The following ZNF713 variants were observed in gnomAD, a reference collection of about 807,000 sequenced individuals.
ZNF713 encodes zinc finger protein 713.
Under a neutral mutation model 28.7 loss-of-function variants are expected in ZNF713, and 21 were observed. The observed-to-expected ratio is 0.73, with a 90% CI of 0.52 to 1.05. The LOEUF is 1.05. Ranked by LOEUF, ZNF713 falls within the 50% of genes least tolerant of loss-of-function variation. The probability of loss-of-function intolerance (pLI) is 0.00; values close to 1 mark genes in which losing one functional copy is unlikely to be tolerated. For missense variants in ZNF713, 458 were observed against 532.4 expected, an observed-to-expected ratio of 0.86 and a Z score of 1.37; for synonymous variants, 167 against 178.0, an observed-to-expected ratio of 0.94 and a Z score of 0.49.
intron 1 of ZNF713, among the ~76,000 whole-genome samples, chr7:55,901,496 A>G (rs970854039): frequency 1.3e-5 from 2 of 152,226 alleles, no homozygotes; most frequent in Admixed American, 1.3e-4. Context: ...CTATAAATAT[A>G]TATAATTATT....
At chr7:55,933,721 C>T (rs79127504) in intron 6 of ZNF713, among the ~76,000 whole-genome samples, 7,098 of 151,944 alleles carry the variant, frequency 0.047, 295 homozygotes, top group East Asian at 0.22. Flanking sequence ...TTGTTGTTTG[C>T]GAGACAGGGT....
At position 55,940,483 on chromosome 7, in the gene ZNF713, A is replaced by G; in HGVS notation, c.*477A>G. ...AGACCTTAAACTAGCAGCATATTAC[A>G]TTCCCAGGAGGGGTTATAAAAAGAA... On this transcript the variant is annotated 3_prime_UTR_variant, in exon 7 of 7. Transcript: ENST00000429591. The G allele has an allele frequency of 2.0e-6, 2 of 985,206 alleles. No individual in the cohort carries two copies. Among genetic ancestry groups the G allele is most frequent in the South Asian group, 4.7e-5 (1 of 21,280 alleles). 61.0% of individuals were successfully genotyped at this position (985,206 alleles called of 1,614,324 possible).
chr7:55,915,358 T>C (rs1785861569), intron 4 of ZNF713, among the ~76,000 whole-genome samples: 1 of 152,246 alleles, frequency 6.6e-6, no homozygotes, highest in African/African-American at 2.4e-5. Context: ...TTTCTTCTTA[T>C]GGTCTACTGG....
At position 55,939,278 on chromosome 7, in the gene ZNF713, T is replaced by A. The variant is rs1786415661; in HGVS notation, c.604T>A (p.Ser202Thr). The A allele has an allele frequency of 6.2e-7, 1 of 1,614,012 alleles. No homozygotes were observed. The highest frequency in any genetic ancestry group is 1.1e-5 in the South Asian group (1 of 91,084). ...NSNLMQQRIP[S>T]IKIPLNSDTQ... The stretch of plus-strand genomic sequence containing the variant: ...AAACCTTATGCAGCAGAGAATTCCT[T>A]CCATTAAAATACCCCTGAATTCTGA... Residue 202 changes from serine (S) to threonine (T), a missense_variant, in exon 7 of 7, where the codon TCC becomes ACC. Physicochemically the swap from Ser to Thr is moderately conservative, Grantham distance 58. Transcript: ENST00000429591.
Position 55,923,331 on chromosome 7 carries a change from G to T in ZNF713, c.214+43G>T, listed in dbSNP as rs79482755. 5.3e-4 allele frequency: 835 copies of T among 1,574,714 alleles called. 5 individuals carry two copies. The African/African-American group carries it at 9.4e-3, about 18-fold the overall frequency. ...GTGAAACCGGAAGCCGTTCACGTGG[G>T]TTTATTTCCTGAACTAGTAGAAGCC... On this transcript the variant is annotated intron_variant, in intron 5 of 6. Transcript: ENST00000429591.
Position 55,912,733 on chromosome 7 carries a change from G to C in ZNF713, c.87+10G>C. 1 of 1,608,526 alleles carries C rather than the reference G, an allele frequency of 6.2e-7. No individual in the cohort carries two copies. Among genetic ancestry groups the C allele is most frequent in the Non-Finnish European group, 8.5e-7 (1 of 1,175,748 alleles). On this transcript the variant is annotated intron_variant, in intron 4 of 6. Coordinates refer to ENST00000429591, the MANE Select transcript of ZNF713 (RefSeq NM_182633.3). ...GATGGTGAGATCTCAGGTAAGTTCAGTTTTCCTCTCCTCTGAAATGCCAGT... is the reference window on the plus strand; with the variant it reads ...GATGGTGAGATCTCAGGTAAGTTCACTTTTCCTCTCCTCTGAAATGCCAGT...
chr7:55,904,935 C>T (rs1202677011), intron 1 of ZNF713, among the ~76,000 whole-genome samples: 2 of 152,100 alleles, frequency 1.3e-5, no homozygotes, highest in African/African-American at 4.8e-5. Flanking sequence ...CCATGTTGAT[C>T]AGGCTGGTCT....
At position 55,920,272 on chromosome 7, in the gene ZNF713, A is replaced by C. The variant is rs139025991; in HGVS notation, c.88-2890A>C. Among the ~76,000 whole-genome samples the C allele has an allele frequency of 9.3e-4, 142 of 152,382 alleles. 1 individual carries two copies. In the Middle Eastern group the frequency reaches 0.01, roughly 11 times the overall value. On this transcript the variant is annotated intron_variant, in intron 4 of 6. Transcript: ENST00000429591. ...TAAATGAGAAGAGCATGTCGAATGC[A>C]TTTGAAATAGGCCAAAAGCTTGGCC...
At chr7:55,920,046 C>A (rs964226383) in intron 4 of ZNF713, among the ~76,000 whole-genome samples, 5 of 152,158 alleles carry the variant, frequency 3.3e-5, no homozygotes, top group African/African-American at 1.2e-4. Flanking sequence ...CCCCGGCTTC[C>A]CTATTTGCTG....
At chr7:55,890,398 C>T (rs546396054) in intron 1 of ZNF713, among the ~76,000 whole-genome samples, 10 of 149,308 alleles carry the variant, frequency 6.7e-5, no homozygotes, top group Admixed American at 2.0e-4. Flanking sequence ...TTCAGTGAGC[C>T]GAGATCACGC....
intron 6 of ZNF713, 92 bp downstream of exon 6, chr7:55,923,791 GAT>G: frequency 1.1e-6 from 1 of 937,204 alleles, no homozygotes; most frequent in South Asian, 1.6e-5. Flanking sequence ...CTCCCTCTGG[GAT>G]ATAAGGAATA....
intron 1 of ZNF713, among the ~76,000 whole-genome samples, chr7:55,891,411 GAA>G (rs1380201768): frequency 6.6e-6 from 1 of 150,662 alleles, no homozygotes; most frequent in African/African-American, 2.4e-5. Flanking sequence ...AATCAGGAGA[GAA>G]AAGATTAAGA....
intron 6 of ZNF713, among the ~76,000 whole-genome samples, chr7:55,932,267 G>A (rs1050266541): frequency 1.1e-4 from 16 of 151,072 alleles, no homozygotes; most frequent in Admixed American, 3.3e-4. Context: ...GGTGGCTTAC[G>A]CCTGTAATTC....
Position 55,939,906 on chromosome 7 carries a change from C to T in ZNF713, c.1232C>T (p.Ala411Val). The T allele has an allele frequency of 6.2e-7, 1 of 1,614,024 alleles. No individual in the cohort carries two copies. The highest frequency in any genetic ancestry group is 1.1e-5 in the South Asian group (1 of 91,084). ...TGCGGGAAAGCCTTTAGCCAGAGTG[C>T]ACACCTTAATCAACACAGGAAAATC... ...NECGKAFSQS[A>V]HLNQHRKIHT... The change falls in exon 7 of 7, where the codon GCA becomes GTA. Residue 411 changes from alanine (A) to valine (V), a missense_variant. Coordinates refer to ENST00000429591, the MANE Select transcript of ZNF713 (RefSeq NM_182633.3).
Position 55,939,837 on chromosome 7 carries a change from A to G in ZNF713, c.1163A>G (p.His388Arg), listed in dbSNP as rs891297648. The G allele has an allele frequency of 6.2e-7, 1 of 1,614,104 alleles. No homozygotes were observed. The highest frequency in any genetic ancestry group is 1.3e-5 in the African/African-American group (1 of 74,942). Residue 388 changes from histidine to arginine, a missense_variant, in exon 7 of 7, where the codon CAT (histidine) becomes CGT (arginine). Coordinates refer to ENST00000429591, the MANE Select transcript of ZNF713 (RefSeq NM_182633.3). ...AFSQRTHLNQHERTHTGEKPY... is the reference protein window; with the variant it reads ...AFSQRTHLNQRERTHTGEKPY... ...AGTCAGAGGACACATCTGAATCAAC[A>G]TGAAAGAACTCATACAGGAGAGAAA...
Position 55,939,508 on chromosome 7 carries a change from G to A in ZNF713, c.834G>A (p.Met278Ile), listed in dbSNP as rs761050126. 1.2e-6 allele frequency: 2 copies of A among 1,614,026 alleles called. No individual in the cohort carries two copies. The highest frequency in any genetic ancestry group is 1.7e-6 in the Non-Finnish European group (2 of 1,179,998). ...CCTCATCTCTTAGCCAGCCTCAGATGTTGCTTACAGGAGAGAAGCCCTATA... is the reference window on the plus strand; with the variant it reads ...CCTCATCTCTTAGCCAGCCTCAGATATTGCTTACAGGAGAGAAGCCCTATA... ...SHTSSLSQPQ[M>I]LLTGEKPYKC... is the part of the protein sequence containing the mutation. The change falls in exon 7 of 7, where the codon ATG becomes ATA. Residue 278 changes from methionine (M) to isoleucine (I), a missense_variant. Physicochemically the swap from Met to Ile is conservative, Grantham distance 10 (BLOSUM62 1). Transcript: ENST00000429591.
intron 6 of ZNF713, among the ~76,000 whole-genome samples, chr7:55,932,126 T>C (rs1250062835): frequency 6.6e-6 from 1 of 152,260 alleles, no homozygotes; most frequent in Non-Finnish European, 1.5e-5. Context: ...ACATATACTT[T>C]TAATTTTTCC....
At chr7:55,928,008 T>C (rs113418976) in intron 6 of ZNF713, among the ~76,000 whole-genome samples, 6,629 of 150,834 alleles carry the variant, frequency 0.044, 173 homozygotes, top group South Asian at 0.063. Context: ...TCAGTAAATA[T>C]GTCAGTGGAA....
At chr7:55,908,518 T>G (rs570096653) in intron 2 of ZNF713, among the ~76,000 whole-genome samples, 1 of 152,320 alleles carries the variant, frequency 6.6e-6, no homozygotes, top group South Asian at 2.1e-4. Flanking sequence ...GGTTTGAATT[T>G]GCATTTCACT....
Sources: gnomAD v4.1 joint callset for allele counts (sites outside exome capture counted in the v4.1 genomes callset) on GRCh38, gnomAD v4.1.1 for gene constraint, MANE v1.5 for transcripts, NCBI Gene and HGNC (gene_info 2026-07-23, HGNC 2026-07-21) for gene names.